Variants in USH2A observed in about 807,000 individuals in gnomAD.
USH2A encodes usherin.
A neutral mutation model predicts 538.9 loss-of-function variants in USH2A; 443 were observed. That is an observed-to-expected ratio of 0.82 (90% CI 0.76 to 0.89). USH2A has a LOEUF of 0.89. Among genes scored for constraint, USH2A ranks in the 40% least tolerant of loss-of-function variants. USH2A has a pLI of 0.00. For synonymous variants in USH2A, 2,413 were observed against 2,273.5 expected (o/e 1.06, Z -1.75); for missense variants, 6,633 against 6,324.8 (o/e 1.05, Z -1.65).
In USH2A at chr1:216,391,852, C is replaced by G. The variant is rs189788166; in HGVS notation, c.651+26662G>C. Among the ~76,000 whole-genome samples, 3 of 152,276 alleles carry G rather than the reference C, an allele frequency of 2.0e-5. No individual in the cohort carries two copies. In the East Asian group the frequency reaches 5.8e-4, roughly 29 times the overall value. Reference sequence around the variant, plus strand: ...TTCCAGGTCTTAATCCTATATTGAACCAACTTTCTATCCATCCCTCTTTTG... The same window carrying G: ...TTCCAGGTCTTAATCCTATATTGAAGCAACTTTCTATCCATCCCTCTTTTG... On this transcript the variant is annotated intron_variant, in intron 3 of 71. Transcript: ENST00000307340.
rs539624215 is a variant in USH2A at position 216,009,882 on chromosome 1, C to T, written c.6326-9320G>A. Among the ~76,000 whole-genome samples, 88 of 152,276 alleles carry T rather than the reference C, an allele frequency of 5.8e-4. No individual in the cohort carries two copies. The South Asian group carries it at 9.1e-3, about 16-fold the overall frequency. On this transcript the variant is annotated intron_variant, in intron 32 of 71. Coordinates refer to ENST00000307340, the MANE Select transcript of USH2A (RefSeq NM_206933.4). ...TAAAGGCATAGTCAAGGTTAATGCTCCTTTTTCTTTATCCCAAATCAGATA... is the reference window on the plus strand; with the variant it reads ...TAAAGGCATAGTCAAGGTTAATGCTTCTTTTTCTTTATCCCAAATCAGATA...
Position 215,716,849 on chromosome 1 carries a change from A to G in USH2A, c.12066+11181T>C, listed in dbSNP as rs552607630. Among the ~76,000 whole-genome samples the G allele has an allele frequency of 3.2e-4, 48 of 152,316 alleles. No homozygotes were observed. The South Asian group carries it at 8.9e-3, about 28-fold the overall frequency. On this transcript the variant is annotated intron_variant, in intron 61 of 71. Transcript: ENST00000307340. The stretch of plus-strand genomic sequence containing the variant: ...CACATGGTGAGCCTGCTGTGCTAAG[A>G]ACTCTGATGTGCTGTCAGATTGGTC...
At chr1:216,058,989 C>T (rs2031080868) in intron 30 of USH2A, among the ~76,000 whole-genome samples, 2 of 152,100 alleles carry the variant, frequency 1.3e-5, no homozygotes, top group East Asian at 1.9e-4. Flanking sequence ...ACAGAGAGTA[C>T]CATAGGCAGT....
At chr1:215,878,166 A>T (rs535763250) in intron 42 of USH2A, among the ~76,000 whole-genome samples, 1 of 152,268 alleles carries the variant, frequency 6.6e-6, no homozygotes, top group South Asian at 2.1e-4. Context: ...CCAAATCTTT[A>T]CTGCCAGTTT....
chr1:215,740,004 G>A (rs1014477469), intron 60 of USH2A, among the ~76,000 whole-genome samples: 2 of 152,166 alleles, frequency 1.3e-5, no homozygotes, highest in Admixed American at 6.5e-5. Flanking sequence ...GAAATACATT[G>A]CTTTCAGAAT....
chr1:215,704,487 TA>T, intron 61 of USH2A, among the ~76,000 whole-genome samples: 1 of 152,318 alleles, frequency 6.6e-6, no homozygotes, highest in East Asian at 1.9e-4. Flanking sequence ...AATCAAGCTC[TA>T]ACTTTCCTAA....
chr1:216,352,903 A>G (rs2038313361), intron 4 of USH2A, among the ~76,000 whole-genome samples: 2 of 152,098 alleles, frequency 1.3e-5, no homozygotes, highest in Admixed American at 1.3e-4. Context: ...GAAAATGTAT[A>G]AATAGTTGGC....
intron 61 of USH2A, among the ~76,000 whole-genome samples, chr1:215,688,639 A>G (rs563431768): frequency 6.6e-6 from 1 of 152,250 alleles, no homozygotes; most frequent in African/African-American, 2.4e-5. Flanking sequence ...TCTGGCTTAT[A>G]GACAGCTGTC....
At chr1:216,325,170 C>T (rs1309981279) in intron 6 of USH2A, 135 bp downstream of exon 6, 1 of 1,048,006 alleles carries the variant, frequency 9.5e-7, no homozygotes, top group Non-Finnish European at 1.4e-6. Flanking sequence ...GTAGCCCTGC[C>T]AACATGTTGA....
chr1:215,700,210 A>G (rs1161984932), intron 61 of USH2A, among the ~76,000 whole-genome samples: 1 of 152,190 alleles, frequency 6.6e-6, no homozygotes, highest in East Asian at 1.9e-4. Context: ...TTGATTTGCC[A>G]GTATTTTATT....
At chr1:215,659,423 A>G (rs906438775) in intron 64 of USH2A, among the ~76,000 whole-genome samples, 9 of 152,232 alleles carry the variant, frequency 5.9e-5, no homozygotes, top group African/African-American at 1.9e-4. Context: ...GAAAGTCCTC[A>G]TGGAACTAGA....
intron 40 of USH2A, among the ~76,000 whole-genome samples, chr1:215,896,559 G>T (rs1486961522): frequency 6.6e-6 from 1 of 152,078 alleles, no homozygotes; most frequent in African/African-American, 2.4e-5. Context: ...GTAGGCAAAA[G>T]AATACATCCA....
chr1:216,221,734 G>T (rs911796704), intron 14 of USH2A, among the ~76,000 whole-genome samples: 1 of 152,174 alleles, frequency 6.6e-6, no homozygotes, highest in Non-Finnish European at 1.5e-5. Context: ...TGAGAACACT[G>T]TCTCTTTCTC....
intron 35 of USH2A, among the ~76,000 whole-genome samples, chr1:215,990,760 CTT>C (rs35293238): frequency 6.1e-5 from 7 of 114,562 alleles, no homozygotes; most frequent in Admixed American, 2.0e-4. Context: ...CTTAATTTTC[CTT>C]TTTTTTTTTT....
At chr1:216,329,032 CAAG>C (rs1309463078) in intron 4 of USH2A, among the ~76,000 whole-genome samples, 1 of 152,136 alleles carries the variant, frequency 6.6e-6, no homozygotes, top group East Asian at 1.9e-4. Context: ...CTGAGGCCCA[CAAG>C]AAGATGTGCT....
chr1:215,661,504 C>T (rs1018733069), intron 64 of USH2A, among the ~76,000 whole-genome samples: 2 of 152,102 alleles, frequency 1.3e-5, no homozygotes, highest in Non-Finnish European at 2.9e-5. Flanking sequence ...TTAATTCTAC[C>T]CACACCTCCA....
chr1:215,900,291 C>A, intron 39 of USH2A, 74 bp from the exon 40 acceptor site: 2 of 1,535,158 alleles, frequency 1.3e-6, no homozygotes, highest in Non-Finnish European at 1.8e-6. Flanking sequence ...TTTCTTACTA[C>A]AAAAAAATTT....
intron 9 of USH2A, among the ~76,000 whole-genome samples, chr1:216,300,360 G>T (rs1005737998): frequency 6.6e-6 from 1 of 152,138 alleles, no homozygotes; most frequent in African/African-American, 2.4e-5. Context: ...GGATTCCCCC[G>T]ATATGTCCCT....
At chr1:216,161,457 A>T (rs2034057796) in intron 21 of USH2A, among the ~76,000 whole-genome samples, 1 of 152,092 alleles carries the variant, frequency 6.6e-6, no homozygotes, top group Non-Finnish European at 1.5e-5. Flanking sequence ...GAATTTTACC[A>T]CAGTTTAGCT....
Sources: allele counts gnomAD v4.1 joint callset (sites outside exome capture counted in the v4.1 genomes callset), GRCh38; gene constraint gnomAD v4.1.1; transcripts MANE v1.5; gene names NCBI Gene and HGNC (gene_info 2026-07-23, HGNC 2026-07-21).